The following AGBL4 variants were observed in gnomAD, a reference collection of about 807,000 sequenced individuals.
AGBL4 encodes the protein cytosolic carboxypeptidase 6.
A neutral mutation model predicts 66.4 loss-of-function variants in AGBL4; 58 were observed. The observed-to-expected ratio is 0.87, with a 90% confidence interval of 0.71 to 1.09. AGBL4 has a LOEUF of 1.09. Ranked by LOEUF, AGBL4 falls within the 50% of genes least tolerant of loss-of-function variation. The pLI is 0.00. For missense variants in AGBL4, 579 were observed against 631.0 expected (o/e 0.92, Z 0.88); for synonymous variants, 234 against 222.9 (o/e 1.05, Z -0.44).
chr1:49,004,914 T>C (rs1661662118), intron 5 of AGBL4, among the ~76,000 whole-genome samples: 1 of 152,154 alleles, frequency 6.6e-6, no homozygotes, highest in African/African-American at 2.4e-5. Context: ...CTGGTGACGT[T>C]AGAGGGAAAT....
chr1:49,735,526 A>G (rs374418282), intron 2 of AGBL4, among the ~76,000 whole-genome samples: 36 of 152,016 alleles, frequency 2.4e-4, no homozygotes, highest in African/African-American at 8.7e-4. Context: ...AAACTCTTAT[A>G]TCAAAAAATA....
At position 49,845,226 on chromosome 1, in the gene AGBL4, C is replaced by T. The variant is rs751704121; in HGVS notation, c.157+6170G>A. Reference sequence around the variant, plus strand: ...CACTTACCAAACACCAGAGAATCCACACTGGGGAGAAACCCTATAAATGCA... The same window carrying T: ...CACTTACCAAACACCAGAGAATCCATACTGGGGAGAAACCCTATAAATGCA... On this transcript the variant is annotated intron_variant, in intron 2 of 13. Coordinates refer to ENST00000371839, the MANE Select transcript of AGBL4 (RefSeq NM_032785.4). 3.9e-4 allele frequency: 587 copies of T among 1,514,652 alleles called. 2 individuals carry two copies. Among genetic ancestry groups the T allele is most frequent in the Non-Finnish European group, 5.3e-4 (575 of 1,093,634 alleles). 93.8% of individuals were successfully genotyped at this position (1,514,652 alleles called of 1,614,324 possible). A position where few individuals can be genotyped will look rare whatever the true frequency, so the allele number is the denominator to read the frequency against.
intron 3 of AGBL4, among the ~76,000 whole-genome samples, chr1:49,337,267 A>G (rs1380290297): frequency 2.0e-5 from 3 of 152,202 alleles, no homozygotes; most frequent in Non-Finnish European, 4.4e-5. Flanking sequence ...CTTTTACTGC[A>G]GGTTTGATAT....
chr1:49,008,627 G>A (rs1662073715), intron 5 of AGBL4, among the ~76,000 whole-genome samples: 1 of 140,402 alleles, frequency 7.1e-6, no homozygotes, highest in African/African-American at 2.7e-5. Flanking sequence ...ATACTTGGAA[G>A]TAAAGCTCTC....
chr1:49,645,035 A>G (rs1207183544), intron 3 of AGBL4, among the ~76,000 whole-genome samples: 1 of 151,620 alleles, frequency 6.6e-6, no homozygotes, highest in South Asian at 2.1e-4. Context: ...AATGACCCAT[A>G]GGGCAAAGAA....
intron 5 of AGBL4, among the ~76,000 whole-genome samples, chr1:48,907,171 C>T (rs12032574): frequency 0.092 from 14,000 of 152,122 alleles, 730 homozygotes; most frequent in Non-Finnish European, 0.11. Context: ...GAGTTAGCAC[C>T]CACACGCAAC....
At chr1:49,824,170 T>C (rs1347118516) in intron 2 of AGBL4, among the ~76,000 whole-genome samples, 1 of 152,096 alleles carries the variant, frequency 6.6e-6, no homozygotes. Flanking sequence ...GATCGCGCAT[T>C]GCACTCCAGC....
At chr1:49,248,700 A>G (rs1651826161) in intron 3 of AGBL4, among the ~76,000 whole-genome samples, 1 of 152,178 alleles carries the variant, frequency 6.6e-6, no homozygotes, top group South Asian at 2.1e-4. Context: ...AGTTGTTGTA[A>G]GAATCTGTAA....
chr1:49,237,515 TATATATATATATATATA>T (rs1650865202), intron 4 of AGBL4, among the ~76,000 whole-genome samples: 5 of 136,666 alleles, frequency 3.7e-5, no homozygotes, highest in African/African-American at 1.5e-4. Flanking sequence ...TATTACATTA[TATATATATATATATATA>T]TATATATATA....
At chr1:49,313,730 C>A (rs1306607698) in intron 3 of AGBL4, among the ~76,000 whole-genome samples, 4 of 151,640 alleles carry the variant, frequency 2.6e-5, no homozygotes, top group African/African-American at 9.7e-5. Flanking sequence ...TTATTTTTTT[C>A]TTGTAAATTT....
At chr1:48,534,710 A>G (rs918027171) in intron 13 of AGBL4, among the ~76,000 whole-genome samples, 180 bp downstream of exon 13, 1 of 152,160 alleles carries the variant, frequency 6.6e-6, no homozygotes, top group African/African-American at 2.4e-5. Flanking sequence ...GCAGCACATA[A>G]AGGGACACTT....
chr1:48,657,265 C>T lies in AGBL4; in HGVS notation c.725-3814G>A, dbSNP rs74514851. Among the ~76,000 whole-genome samples, 229 of 152,294 alleles carry T rather than the reference C, an allele frequency of 1.5e-3. 3 individuals carry two copies. The highest frequency in any genetic ancestry group is 4.1e-3 in the Admixed American group (63 of 15,306). On this transcript the variant is annotated intron_variant, in intron 7 of 13. Transcript: ENST00000371839. Reference sequence around the variant, plus strand: ...GTGAGTTGATATAAGCAAAGTGGTACACAGTAAGAATATACAAGTATTGTT... The same window carrying T: ...GTGAGTTGATATAAGCAAAGTGGTATACAGTAAGAATATACAAGTATTGTT...
At chr1:49,348,446 A>G (rs1237592956) in intron 3 of AGBL4, among the ~76,000 whole-genome samples, 2 of 152,148 alleles carry the variant, frequency 1.3e-5, no homozygotes, top group East Asian at 3.9e-4. Flanking sequence ...AATAAAAAAA[A>G]GGAAGACAGA....
At chr1:48,822,192 A>C (rs967571683) in intron 6 of AGBL4, among the ~76,000 whole-genome samples, 17 of 152,226 alleles carry the variant, frequency 1.1e-4, no homozygotes, top group Non-Finnish European at 4.4e-5. Flanking sequence ...CTACTTATCC[A>C]ATGAAATCAA....
intron 3 of AGBL4, among the ~76,000 whole-genome samples, chr1:49,398,754 A>G (rs1218265036): frequency 6.6e-6 from 1 of 152,032 alleles, no homozygotes; most frequent in East Asian, 1.9e-4. Flanking sequence ...GTTACATGAG[A>G]TATTTTGACA....
chr1:49,539,100 TATG>T (rs1179830843), intron 3 of AGBL4, among the ~76,000 whole-genome samples: 4 of 152,288 alleles, frequency 2.6e-5, no homozygotes, highest in Admixed American at 2.6e-4. Flanking sequence ...CTTAAAGAGT[TATG>T]ATATGTTATG....
chr1:48,848,536 A>G (rs1200847233), intron 6 of AGBL4, among the ~76,000 whole-genome samples: 1 of 152,230 alleles, frequency 6.6e-6, no homozygotes, highest in South Asian at 2.1e-4. Flanking sequence ...AAAATAACAG[A>G]ACAAAAGTTA....
In AGBL4 at chr1:48,820,700, G is replaced by T. The variant is rs75368670; in HGVS notation, c.634+46491C>A. Among the ~76,000 whole-genome samples the T allele has an allele frequency of 6.0e-3, 914 of 152,278 alleles. 7 individuals carry two copies. The highest frequency in any genetic ancestry group is 9.9e-3 in the Non-Finnish European group (671 of 68,022). On this transcript the variant is annotated intron_variant, in intron 6 of 13. Transcript: ENST00000371839. ...TGTCAACCTTTGGACTGGAACTATA[G>T]TTGGCTCTACCTAGTTCTCAGGCCT...
intron 4 of AGBL4, among the ~76,000 whole-genome samples, chr1:49,207,542 T>TTTTCTTTTCTTTCTTTCTTTCTTTC (rs1553166400): frequency 1.3e-5 from 1 of 77,976 alleles, no homozygotes. Context: ...TTTTTCTTTC[T>TTTTCTTTTCTTTCTTTCTTTCTTTC]TTTCTTTCTT....
Sources: gnomAD v4.1 joint callset for allele counts (sites outside exome capture counted in the v4.1 genomes callset) on GRCh38, gnomAD v4.1.1 for gene constraint, MANE v1.5 for transcripts, NCBI Gene and HGNC (gene_info 2026-07-23, HGNC 2026-07-21) for gene names.